The following CFAP46 variants were observed in gnomAD, a reference collection of about 807,000 sequenced individuals.
CFAP46 encodes cilia- and flagella-associated protein 46.
In CFAP46, 245 loss-of-function variants were observed where a neutral mutation model predicts 325.7. The ratio of observed to expected loss-of-function variants is 0.75; its 90% CI spans 0.68 to 0.84. CFAP46 has a LOEUF of 0.84. Ranked by LOEUF, CFAP46 falls within the 40% of genes least tolerant of loss-of-function variation. The probability of loss-of-function intolerance (pLI) is 0.00; values close to 1 mark genes in which losing one functional copy is unlikely to be tolerated. For missense variants in CFAP46, 3,346 were observed against 3,543.0 expected, an observed-to-expected ratio of 0.94 and a Z score of 1.41; for synonymous variants, 1,523 against 1,495.9, an observed-to-expected ratio of 1.02 and a Z score of -0.42.
rs147460629 is a variant in CFAP46 at position 132,941,150 on chromosome 10, G to A, written c.307-90C>T. ...GGATGCCACGGCTCCCTCACGGTTGGCCTGGTACCCCCTGTGTGTCACCTG... is the reference window on the plus strand; with the variant it reads ...GGATGCCACGGCTCCCTCACGGTTGACCTGGTACCCCCTGTGTGTCACCTG... On this transcript the variant is annotated intron_variant, in intron 3 of 57. Transcript: ENST00000368586. The A allele has an allele frequency of 2.5e-3, 3,265 of 1,296,526 alleles. 39 individuals carry two copies. The African/African-American group carries it at 0.037, about 15-fold the overall frequency. 80.3% of individuals were successfully genotyped at this position (1,296,526 alleles called of 1,614,324 possible).
In CFAP46 at chr10:132,877,919, C is replaced by G; in HGVS notation, c.4174G>C (p.Glu1392Gln). ...ENERSKEKDKEKGKEEKVKEP... is the reference protein window; with the variant it reads ...ENERSKEKDKQKGKEEKVKEP... The stretch of plus-strand genomic sequence containing the variant: ...TTGACTTTCTCCTCCTTTCCCTTCT[C>G]CTTGTCCTTCTCTTTACTCCTCTCA... Residue 1392 changes from glutamate to glutamine, a missense_variant, in exon 30 of 58, where the codon GAG (glutamate) becomes CAG (glutamine). Physicochemically the swap from Glu to Gln is conservative, Grantham distance 29. Coordinates refer to ENST00000368586, the MANE Select transcript of CFAP46 (RefSeq NM_001200049.3). This position sits in a 1 kb window ranked among gnomAD's most constrained non-coding sequence, Gnocchi z 5.7. 6.4e-7 allele frequency: 1 copy of G among 1,550,572 alleles called. No homozygotes were observed. Among genetic ancestry groups the G allele is most frequent in the Non-Finnish European group, 8.7e-7 (1 of 1,146,990 alleles).
At chr10:132,811,997 A>G (rs1033395336) in intron 55 of CFAP46, among the ~76,000 whole-genome samples, 1 of 152,242 alleles carries the variant, frequency 6.6e-6, no homozygotes, top group Non-Finnish European at 1.5e-5. Flanking sequence ...CAGCAGCCCC[A>G]TCAGAGAAGG....
intron 35 of CFAP46, among the ~76,000 whole-genome samples, chr10:132,862,013 G>A (rs924659906): frequency 2.6e-5 from 4 of 152,236 alleles, no homozygotes; most frequent in African/African-American, 9.6e-5. Flanking sequence ...GCCCCTGCCC[G>A]ACACAGGATC....
intron 29 of CFAP46, among the ~76,000 whole-genome samples, chr10:132,878,573 C>T (rs905814888): frequency 5.9e-5 from 9 of 152,214 alleles, no homozygotes; most frequent in Non-Finnish European, 1.0e-4. Flanking sequence ...TGAATGAGTT[C>T]GAGGTCTCTA....
rs368918999 is a variant in CFAP46, at chr10:132,850,404, G to A, written c.5792C>T (p.Ala1931Val). The change falls in exon 41 of 58, where the codon GCA becomes GTA. Residue 1931 changes from alanine (A) to valine (V), a missense_variant. By Grantham distance (64) the Ala-to-Val change is moderately conservative. Transcript: ENST00000368586. ...CCCCAGCTGTGCCAGTGCCCCGTGTGCTAGAGTCCGCTTCAGCGTGAACCA... is the reference window on the plus strand; with the variant it reads ...CCCCAGCTGTGCCAGTGCCCCGTGTACTAGAGTCCGCTTCAGCGTGAACCA... ...LQWFTLKRTLAHGALAQLGSL... is the reference protein window; with the variant it reads ...LQWFTLKRTLVHGALAQLGSL... The A allele has an allele frequency of 1.3e-6, 2 of 1,578,482 alleles. No individual in the cohort carries two copies. Among genetic ancestry groups the A allele is most frequent in the Non-Finnish European group, 8.6e-7 (1 of 1,161,314 alleles).
At chr10:132,910,513 CCT>C (rs72026639) in intron 19 of CFAP46, among the ~76,000 whole-genome samples, 17,396 of 152,300 alleles carry the variant, frequency 0.11, 2,733 homozygotes, top group African/African-American at 0.35. Flanking sequence ...GCCCCAGCTC[CCT>C]GTCTTGCTGG....
chr10:132,849,509 G>A (rs1410656436), intron 41 of CFAP46, among the ~76,000 whole-genome samples: 1 of 152,196 alleles, frequency 6.6e-6, no homozygotes, highest in East Asian at 1.9e-4. Context: ...GCCTTCCGGG[G>A]GAGGAGCTGG....
intron 19 of CFAP46, among the ~76,000 whole-genome samples, chr10:132,912,135 C>CCCCCCT (rs1849549455): frequency 8.7e-6 from 1 of 114,732 alleles, no homozygotes; most frequent in African/African-American, 3.2e-5. Context: ...CCCCCCCACC[C>CCCCCCT]CCACATCTCT....
intron 7 of CFAP46, among the ~76,000 whole-genome samples, chr10:132,936,489 G>A (rs1591101850): frequency 8.3e-6 from 1 of 120,984 alleles, no homozygotes; most frequent in African/African-American, 3.2e-5. Context: ...CAAACACACT[G>A]TGATCTCCTC....
chr10:132,878,667 T>C (rs1446753699), intron 29 of CFAP46, among the ~76,000 whole-genome samples: 2 of 151,940 alleles, frequency 1.3e-5, no homozygotes, highest in Non-Finnish European at 2.9e-5. Context: ...CAGCCCCGGG[T>C]CTGGCAGTGG....
At chr10:132,881,457 G>A (rs768247605) in intron 27 of CFAP46, among the ~76,000 whole-genome samples, 1 of 152,230 alleles carries the variant, frequency 6.6e-6, no homozygotes, top group Non-Finnish European at 1.5e-5. Context: ...TGCAGGGTAG[G>A]AAAGGTGTTT....
chr10:132,933,869 G>A lies in CFAP46; in HGVS notation c.866+883C>T, dbSNP rs149471648. ...GGGACCCCTTCCCCAGTCCAGCCTCGAGAAAAGACCCCAGACCAGTCAACA... is the reference window on the plus strand; with the variant it reads ...GGGACCCCTTCCCCAGTCCAGCCTCAAGAAAAGACCCCAGACCAGTCAACA... On this transcript the variant is annotated intron_variant, in intron 8 of 57. Coordinates refer to ENST00000368586, the MANE Select transcript of CFAP46 (RefSeq NM_001200049.3). Among the ~76,000 whole-genome samples, 827 of 152,302 alleles carry A rather than the reference G, an allele frequency of 5.4e-3. 4 individuals carry two copies. The highest frequency in any genetic ancestry group is 0.016 in the African/African-American group (679 of 41,564).
At chr10:132,887,273 TCCTCTCTCCTCCC>T (rs1849155457) in intron 25 of CFAP46, among the ~76,000 whole-genome samples, 1 of 104,082 alleles carries the variant, frequency 9.6e-6, no homozygotes, top group African/African-American at 4.8e-5. Context: ...CTCTCTCCTC[TCCTCTCTCCTCCC>T]CTCTTCTTTC....
rs1056293309 is a variant in CFAP46 at position 132,827,251 on chromosome 10, C to T, written c.7117+6107G>A. ...CGGCCGGAGGGACCAGCCACAGTTC[C>T]GAGAAGGGGCTGACCGTGGCCTGTG... On this transcript the variant is annotated intron_variant, in intron 50 of 57. Coordinates refer to ENST00000368586, the MANE Select transcript of CFAP46 (RefSeq NM_001200049.3). The surrounding 1 kb of genome is among the most constrained non-coding windows in gnomAD (Gnocchi z 5.7). 3.9e-5 allele frequency among the ~76,000 whole-genome samples: 6 copies of T among 152,044 alleles called. No homozygotes were observed. Among genetic ancestry groups the T allele is most frequent in the Non-Finnish European group, 5.9e-5 (4 of 68,012 alleles).
chr10:132,823,597 C>T lies in CFAP46; in HGVS notation c.7118-8683G>A, dbSNP rs1164578719. ...TGTGTGCTGACGTGTGCTGTGTGTG[C>T]GCTGATGTGTGCTGTGTGTGTGCTG... is the stretch of plus-strand genomic sequence containing the variant. On this transcript the variant is annotated intron_variant, in intron 50 of 57. Coordinates refer to ENST00000368586, the MANE Select transcript of CFAP46 (RefSeq NM_001200049.3). 1.8e-4 allele frequency among the ~76,000 whole-genome samples: 13 copies of T among 73,242 alleles called. No individual in the cohort carries two copies. The South Asian group carries it at 3.7e-3, about 21-fold the overall frequency. 48.0% of individuals were successfully genotyped at this position (73,242 alleles called of 152,430 possible). A position where few individuals can be genotyped will look rare whatever the true frequency, so the allele number is the denominator to read the frequency against.
intron 28 of CFAP46, 56 bp downstream of exon 28, chr10:132,880,805 A>G: frequency 6.6e-7 from 1 of 1,518,274 alleles, no homozygotes; most frequent in Non-Finnish European, 8.8e-7. Flanking sequence ...CGGAGCAGGA[A>G]GCAGAGCTCT....
Position 132,924,694 on chromosome 10 carries a change from A to C in CFAP46, c.1256+2T>G, listed in dbSNP as rs1591094365. The C allele has an allele frequency of 6.6e-6, 10 of 1,519,536 alleles. No individual in the cohort carries two copies. The highest frequency in any genetic ancestry group is 7.9e-6 in the Non-Finnish European group (9 of 1,134,320). The allele number at this position is 1,519,536 out of a possible 1,614,324, so 94.1% of individuals were successfully genotyped here. A position where few individuals can be genotyped will look rare whatever the true frequency, so the allele number is the denominator to read the frequency against. Reference sequence around the variant, plus strand: ...AGGACACAGCACAGGTGAGCGCCCCACCTGTCCAGCTTCTCCAGCACGTCC... The same window carrying C: ...AGGACACAGCACAGGTGAGCGCCCCCCCTGTCCAGCTTCTCCAGCACGTCC... On this transcript the variant is annotated splice_donor_variant, in intron 11 of 57. Transcript: ENST00000368586. LOFTEE classifies it high-confidence loss of function.
At position 132,841,931 on chromosome 10, in the gene CFAP46, GAA is replaced by G. The variant is rs113315564; in HGVS notation, c.6438+4124_6438+4125del. ...TGGGAGGGCAGCCTTGAGGATCTCT[GAA>G]ATGACTTCTGGGTCTTTCTTCCACT... On this transcript the variant is annotated intron_variant, in intron 44 of 57. Transcript: ENST00000368586. Among the ~76,000 whole-genome samples, 819 of 152,332 alleles carry G rather than the reference GAA, an allele frequency of 5.4e-3. 12 individuals are homozygous for G. The highest frequency in any genetic ancestry group is 0.018 in the African/African-American group (751 of 41,568).
In CFAP46 at chr10:132,851,237, A is replaced by G; in HGVS notation, c.5643T>C (p.Ala1881=). ...ARLKLGLVEM[A]LDMLQFIWEE... ...CCCAGATGAACTGGAGCATGTCCAG[A>G]GCCATTTCCACGAGGCCGAGCTTGA... The change falls in exon 40 of 58, where the codon GCT becomes GCC. Residue 1881 remains alanine (A), a synonymous_variant. Coordinates refer to ENST00000368586, the MANE Select transcript of CFAP46 (RefSeq NM_001200049.3). 1 of 1,614,080 alleles carries G rather than the reference A, an allele frequency of 6.2e-7. No homozygotes were observed. Among genetic ancestry groups the G allele is most frequent in the Non-Finnish European group, 8.5e-7 (1 of 1,180,034 alleles).
Sources: gnomAD v4.1 joint callset for allele counts (sites outside exome capture counted in the v4.1 genomes callset) on GRCh38, gnomAD v4.1.1 for gene constraint, Gnocchi (gnomAD v3.1) non-coding constraint, MANE v1.5 for transcripts, NCBI Gene and HGNC (gene_info 2026-07-23, HGNC 2026-07-21) for gene names.